LRRC37A2: variants seen among roughly 807,000 people sequenced by gnomAD.
LRRC37A2 encodes leucine-rich repeat-containing protein 37A2.
A neutral mutation model predicts 68.8 loss-of-function variants in LRRC37A2; 9 were observed. The ratio of observed to expected loss-of-function variants is 0.13; its 90% CI spans 0.08 to 0.23. LRRC37A2 has a LOEUF of 0.23. LRRC37A2 is among the 10% of genes least tolerant of loss of function. The probability of loss-of-function intolerance (pLI) is 1.00; values close to 1 mark genes in which losing one functional copy is unlikely to be tolerated. For missense variants in LRRC37A2, 168 were observed against 950.4 expected (o/e 0.18, Z 10.82); for synonymous variants, 63 against 367.6 (o/e 0.17, Z 9.48).
chr17:46,999,999 A>AAATAAAAT, the LRRC37A2 span, among the ~76,000 whole-genome samples: 1 of 6,844 alleles, frequency 1.5e-4, no homozygotes, highest in Non-Finnish European at 5.7e-4. Flanking sequence ...ACTCCATCTC[A>AAATAAAAT]AAATAAAATA....
chr17:46,779,603 G>A, the LRRC37A2 span, among the ~76,000 whole-genome samples: 1 of 152,222 alleles, frequency 6.6e-6, no homozygotes, highest in African/African-American at 2.4e-5. Flanking sequence ...ACCCCTTGGA[G>A]TGAAATATCC....
the LRRC37A2 span, chr17:46,930,344 GCA>G: frequency 2.6e-5 from 4 of 152,288 alleles, no homozygotes; most frequent in Non-Finnish European, 5.9e-5. Flanking sequence ...TTTCTTTTGT[GCA>G]CAGTTTAGCT....
chr17:46,983,140 G>A, the LRRC37A2 span, among the ~76,000 whole-genome samples: 5 of 152,066 alleles, frequency 3.3e-5, no homozygotes, highest in African/African-American at 1.2e-4. Flanking sequence ...CTGTAGGTTT[G>A]GGGGCAGAGT....
the LRRC37A2 span, among the ~76,000 whole-genome samples, chr17:47,028,692 G>A: frequency 2.6e-5 from 4 of 152,024 alleles, no homozygotes; most frequent in East Asian, 3.9e-4. Flanking sequence ...TGGATCACCC[G>A]AGGTCAGGAA....
the LRRC37A2 span, among the ~76,000 whole-genome samples, chr17:46,750,187 T>C: frequency 6.6e-6 from 1 of 152,120 alleles, no homozygotes; most frequent in African/African-American, 2.4e-5. Flanking sequence ...ACCCTGTCTC[T>C]ACTAAAAATA....
the LRRC37A2 span, among the ~76,000 whole-genome samples, chr17:46,794,432 G>A: frequency 2.6e-5 from 4 of 152,096 alleles, no homozygotes; most frequent in African/African-American, 9.7e-5. Context: ...GAGCCTTGGG[G>A]GTCATCTGGT....
At chr17:46,880,386 C>T in the LRRC37A2 span, among the ~76,000 whole-genome samples, 4 of 152,176 alleles carry the variant, frequency 2.6e-5, no homozygotes, top group African/African-American at 9.7e-5. Context: ...TATTGAGCAC[C>T]CCTTATGTCC....
At chr17:46,609,430 C>T in the LRRC37A2 span, among the ~76,000 whole-genome samples, 46 of 151,942 alleles carry the variant, frequency 3.0e-4, no homozygotes, top group East Asian at 7.2e-3. Flanking sequence ...TGAGCATCTC[C>T]TGCACCTAGC....
the LRRC37A2 span, chr17:47,017,240 G>A: frequency 2.5e-6 from 4 of 1,611,836 alleles, no homozygotes; most frequent in African/African-American, 5.3e-5. Context: ...TGTCCCGGCT[G>A]CGTTTCTGGG....
At chr17:46,820,763 C>A in the LRRC37A2 span, among the ~76,000 whole-genome samples, 1 of 152,300 alleles carries the variant, frequency 6.6e-6, no homozygotes, top group Admixed American at 6.5e-5. Context: ...CTGTCCCACC[C>A]ACAGGGCTCC....
the LRRC37A2 span, among the ~76,000 whole-genome samples, chr17:46,843,038 C>A: frequency 6.6e-6 from 1 of 152,168 alleles, no homozygotes; most frequent in Non-Finnish European, 1.5e-5. Flanking sequence ...GCTAGTGACT[C>A]CTATTGGAGA....
chr17:46,613,162 C>T, the LRRC37A2 span, among the ~76,000 whole-genome samples: 1 of 40,410 alleles, frequency 2.5e-5, no homozygotes, highest in Non-Finnish European at 7.3e-5. Context: ...CCTGTAGTCC[C>T]AGCTACTTTG....
chr17:46,760,439 T>G, the LRRC37A2 span, among the ~76,000 whole-genome samples: 2 of 151,328 alleles, frequency 1.3e-5, no homozygotes, highest in African/African-American at 4.9e-5. Context: ...AAGACCAGCC[T>G]GAGCAACATA....
chr17:46,765,618 C>A, the LRRC37A2 span, among the ~76,000 whole-genome samples: 1 of 152,382 alleles, frequency 6.6e-6, no homozygotes, highest in South Asian at 2.1e-4. Context: ...CCTGCCATCC[C>A]TGCCAGTGCA....
At chr17:46,994,242 A>C in the LRRC37A2 span, among the ~76,000 whole-genome samples, 1 of 151,962 alleles carries the variant, frequency 6.6e-6, no homozygotes, top group East Asian at 1.9e-4. Flanking sequence ...ATAATTAGCC[A>C]GGTGTGGTGG....
At chr17:46,623,434 G>T in the LRRC37A2 span, among the ~76,000 whole-genome samples, 1 of 6,856 alleles carries the variant, frequency 1.5e-4, no homozygotes, top group African/African-American at 3.5e-4. Flanking sequence ...ATCATGGAAG[G>T]GTTATTGGTT....
chr17:46,676,233 CTTTT>C, the LRRC37A2 span, among the ~76,000 whole-genome samples: 3 of 135,640 alleles, frequency 2.2e-5, no homozygotes, highest in Admixed American at 1.5e-4. Context: ...AATTCTTCTT[CTTTT>C]TTTTTTTTTT....
the LRRC37A2 span, among the ~76,000 whole-genome samples, chr17:47,023,940 A>G: frequency 6.6e-6 from 1 of 152,200 alleles, no homozygotes; most frequent in African/African-American, 2.4e-5. Flanking sequence ...AGGTCAGGAT[A>G]GTGGTTACCT....
chr17:46,882,082 G>A, the LRRC37A2 span, among the ~76,000 whole-genome samples: 2 of 152,298 alleles, frequency 1.3e-5, no homozygotes, highest in South Asian at 2.1e-4. Flanking sequence ...CTTGAGCCCA[G>A]GAGTTCGAGG....
Sources: gnomAD v4.1 joint callset for allele counts (sites outside exome capture counted in the v4.1 genomes callset) on GRCh38, gnomAD v4.1.1 for gene constraint, MANE v1.5 for transcripts, NCBI Gene and HGNC (gene_info 2026-07-23, HGNC 2026-07-21) for gene names.